The following XPNPEP1 variants were observed in gnomAD, a reference collection of about 807,000 sequenced individuals.
XPNPEP1 encodes X-prolyl aminopeptidase 1, also known as xaa-Pro aminopeptidase 1.
Under a neutral mutation model 92.4 loss-of-function variants are expected in XPNPEP1, and 39 were observed. That is an observed-to-expected ratio of 0.42 (90% CI 0.33 to 0.55). XPNPEP1 has a LOEUF of 0.55. Among genes scored for constraint, XPNPEP1 ranks in the 20% least tolerant of loss-of-function variants. XPNPEP1 has a pLI of 0.08. For missense variants in XPNPEP1, 654 were observed against 856.1 expected (o/e 0.76, Z 2.95); for synonymous variants, 307 against 299.4 (o/e 1.03, Z -0.26).
In XPNPEP1 at chr10:109,882,432, C is replaced by T; in HGVS notation, c.1041G>A (p.Lys347=). 1 of 1,609,760 alleles carries T rather than the reference C, an allele frequency of 6.2e-7. No individual in the cohort carries two copies. Among genetic ancestry groups the T allele is most frequent in the Non-Finnish European group, 8.5e-7 (1 of 1,176,468 alleles). ...ASYAVSETIP[K]DHRCCMPYTP... ...GATGGGCCAAAGTGGGGTCACCAAC[C>T]TTGGGGATGGTCTCGCTCACAGCAT... Residue 347 remains lysine (K), a splice_region_variant and synonymous_variant, in exon 10 of 21, where the codon AAG becomes AAA. Transcript: ENST00000502935.
intron 14 of XPNPEP1, chr10:109,877,415 G>T: frequency 5.0e-6 from 1 of 198,288 alleles, no homozygotes; most frequent in Admixed American, 5.3e-5. Flanking sequence ...GCAGTGAGTT[G>T]TGATGGCACC....
At chr10:109,886,968 T>C (rs998176693) in intron 7 of XPNPEP1, among the ~76,000 whole-genome samples, 5 of 152,150 alleles carry the variant, frequency 3.3e-5, no homozygotes, top group African/African-American at 1.2e-4. Context: ...GCCTCTCTGT[T>C]GCTCTGCAAG....
chr10:109,912,550 T>G (rs1849936098), intron 2 of XPNPEP1, among the ~76,000 whole-genome samples: 1 of 152,178 alleles, frequency 6.6e-6, no homozygotes, highest in South Asian at 2.1e-4. Context: ...TGCAATTATA[T>G]AAGTCCTAGC....
intron 1 of XPNPEP1, among the ~76,000 whole-genome samples, chr10:109,916,334 G>A (rs775554910): frequency 3.0e-4 from 44 of 145,868 alleles, no homozygotes; most frequent in Non-Finnish European, 5.5e-4. Flanking sequence ...TAGTTTACCT[G>A]AGGAAAAGCA....
rs887754746 is a variant in XPNPEP1, at chr10:109,884,070, A to G, written c.827T>C (p.Ile276Thr). The change falls in exon 9 of 21, where the codon ATC (isoleucine) becomes ACC (threonine). Residue 276 changes from isoleucine to threonine, a missense_variant. Coordinates refer to ENST00000502935, the MANE Select transcript of XPNPEP1 (RefSeq NM_020383.4). ...CAGATGCAGGGCAAACACTCACATG[A>G]TCGTCTCTAGTCCTATGATTGCGTA... is the stretch of plus-strand genomic sequence containing the variant. Reference protein sequence around the residue: ...FSYAIIGLETIMLFIDGDRID... With the variant: ...FSYAIIGLETTMLFIDGDRID... The G allele has an allele frequency of 6.2e-7, 1 of 1,613,288 alleles. No homozygotes were observed. Among genetic ancestry groups the G allele is most frequent in the South Asian group, 1.1e-5 (1 of 90,898 alleles).
intron 10 of XPNPEP1, among the ~76,000 whole-genome samples, chr10:109,881,324 C>T (rs1239764462): frequency 1.3e-5 from 2 of 152,212 alleles, no homozygotes; most frequent in African/African-American, 2.4e-5. Context: ...TTCTCCCTGT[C>T]TAGCCATGCA....
rs1847419073 is a variant in XPNPEP1, at chr10:109,870,818, A to C, written c.1609T>G (p.Phe537Val). 1.2e-6 allele frequency: 2 copies of C among 1,614,184 alleles called. No individual in the cohort carries two copies. The highest frequency in any genetic ancestry group is 1.7e-6 in the Non-Finnish European group (2 of 1,180,038). ...CAAGGACCCTCATGGACATTCAAAA[A>C]AGACCCAACACCATGTCCAGTCCCG... Reference protein sequence around the residue: ...LHGTGHGVGSFLNVHEGPCGI... With the variant: ...LHGTGHGVGSVLNVHEGPCGI... Residue 537 changes from phenylalanine to valine, a missense_variant, in exon 18 of 21, where the codon TTT becomes GTT. By Grantham distance (50) the Phe-to-Val change is conservative. Coordinates refer to ENST00000502935, the MANE Select transcript of XPNPEP1 (RefSeq NM_020383.4).
intron 3 of XPNPEP1, among the ~76,000 whole-genome samples, chr10:109,901,759 T>C (rs370203232): frequency 5.3e-5 from 8 of 152,264 alleles, no homozygotes; most frequent in African/African-American, 1.9e-4. Flanking sequence ...ACAACTTGGG[T>C]ACGTGAGTCC....
intron 4 of XPNPEP1, 21 bp downstream of exon 4, chr10:109,892,991 A>G: frequency 6.2e-7 from 1 of 1,612,448 alleles, no homozygotes; most frequent in South Asian, 1.1e-5. Flanking sequence ...CAGCAAGAAC[A>G]GAGAAAAAGT....
At chr10:109,894,352 G>A (rs1848864898) in intron 3 of XPNPEP1, among the ~76,000 whole-genome samples, 2 of 151,708 alleles carry the variant, frequency 1.3e-5, no homozygotes, top group Admixed American at 1.3e-4. Context: ...GGAGCATGGT[G>A]AAACCTCATG....
At chr10:109,911,315 C>G (rs1466833469) in intron 2 of XPNPEP1, among the ~76,000 whole-genome samples, 1 of 152,142 alleles carries the variant, frequency 6.6e-6, no homozygotes, top group African/African-American at 2.4e-5. Flanking sequence ...CGGGGTCTTA[C>G]TACATTGTCC....
At chr10:109,869,927 G>A (rs1426436183) in intron 19 of XPNPEP1, 26 bp downstream of exon 19, 1 of 1,612,434 alleles carries the variant, frequency 6.2e-7, no homozygotes. Flanking sequence ...AATAGAAACA[G>A]GAAAATTTTT....
At chr10:109,865,393 C>G in intron 20 of XPNPEP1, 81 bp from the exon 21 acceptor site, 2 of 1,570,938 alleles carry the variant, frequency 1.3e-6, no homozygotes, top group Non-Finnish European at 1.7e-6. Context: ...GCAAAGGCCC[C>G]CATGTGCTAA....
chr10:109,922,600 G>C (rs1850603901), intron 1 of XPNPEP1, among the ~76,000 whole-genome samples: 1 of 152,216 alleles, frequency 6.6e-6, no homozygotes, highest in African/African-American at 2.4e-5. Context: ...ATGCTGCAAA[G>C]TGAGTGCATT....
chr10:109,907,162 C>G (rs1222111184), intron 3 of XPNPEP1, among the ~76,000 whole-genome samples: 1 of 152,222 alleles, frequency 6.6e-6, no homozygotes, highest in African/African-American at 2.4e-5. Flanking sequence ...TATTTCATCT[C>G]TCACTAAACC....
intron 18 of XPNPEP1, among the ~76,000 whole-genome samples, chr10:109,870,496 C>T (rs897201858): frequency 2.0e-5 from 3 of 152,094 alleles, no homozygotes; most frequent in African/African-American, 4.8e-5. Context: ...CAGTAAAACA[C>T]TAAGTCATGT....
Position 109,870,877 on chromosome 10 carries a change from G to C in XPNPEP1, c.1550C>G (p.Ser517Ter). 6.2e-7 allele frequency: 1 copy of C among 1,614,018 alleles called. No homozygotes were observed. The highest frequency in any genetic ancestry group is 8.5e-7 in the Non-Finnish European group (1 of 1,179,956). ...ATCTAGGCCTGAATCCCATAAAGCT[G>C]AACGGGCAAAGGAGTCAAGAAGGTG... The part of the protein sequence containing the change: ...KGHLLDSFAR[S>*]ALWDSGLDYL... Residue 517 changes from serine to a stop codon, truncating the protein, a stop_gained, in exon 18 of 21, where the codon TCA (serine) becomes TGA (stop). Transcript: ENST00000502935. LOFTEE classifies it high-confidence loss of function.
At chr10:109,891,374 A>G (rs1283231649) in intron 5 of XPNPEP1, 1 of 169,798 alleles carries the variant, frequency 5.9e-6, no homozygotes, top group Non-Finnish European at 1.3e-5. Context: ...TCTGTTGCCA[A>G]TGACTCCTTG....
At chr10:109,871,257 T>G (rs1847455139) in intron 17 of XPNPEP1, among the ~76,000 whole-genome samples, 1 of 151,958 alleles carries the variant, frequency 6.6e-6, no homozygotes, top group Non-Finnish European at 1.5e-5. Flanking sequence ...CAGGCAGGCA[T>G]GACAGATGAG....
Sources: allele counts gnomAD v4.1 joint callset (sites outside exome capture counted in the v4.1 genomes callset), GRCh38; gene constraint gnomAD v4.1.1; transcripts MANE v1.5; gene names NCBI Gene and HGNC (gene_info 2026-07-23, HGNC 2026-07-21).